GPR107: variants seen among roughly 807,000 people sequenced by gnomAD.
The protein encoded by GPR107 is G protein-coupled receptor 107, also known as protein GPR107.
GPR107 carries 31 observed loss-of-function variants against 75.5 expected under a neutral mutation model. The observed-to-expected ratio is 0.41, with a 90% CI of 0.31 to 0.55. The LOEUF (loss-of-function observed/expected upper bound fraction) is 0.55, where lower values mean the gene tolerates loss of function less well. Ranked by LOEUF, GPR107 falls within the 20% of genes least tolerant of loss-of-function variation. The pLI is 0.26. For synonymous variants in GPR107, 267 were observed against 251.3 expected (o/e 1.06, Z -0.59); for missense variants, 572 against 665.7 (o/e 0.86, Z 1.55).
intron 9 of GPR107, among the ~76,000 whole-genome samples, chr9:130,097,150 T>TC (rs67798085): frequency 5.8e-5 from 3 of 51,992 alleles, no homozygotes; most frequent in Non-Finnish European, 9.3e-5. Context: ...ACTTTTCTTT[T>TC]TTTTCTTTTT....
At chr9:130,074,836 TAA>T in intron 1 of GPR107, among the ~76,000 whole-genome samples, 1 of 151,966 alleles carries the variant, frequency 6.6e-6, no homozygotes, top group East Asian at 1.9e-4. Flanking sequence ...CACAAATTGA[TAA>T]GAGGATTTAT....
At chr9:130,055,193 C>G (rs1160934369) in intron 1 of GPR107, among the ~76,000 whole-genome samples, 2 of 151,908 alleles carry the variant, frequency 1.3e-5, no homozygotes, top group African/African-American at 4.8e-5. Context: ...GTAGGCGGGG[C>G]GCGGTGGCTC....
intron 1 of GPR107, among the ~76,000 whole-genome samples, chr9:130,065,625 G>A (rs1830049432): frequency 6.7e-6 from 1 of 149,938 alleles, no homozygotes; most frequent in South Asian, 2.1e-4. Flanking sequence ...AAATTAGCCC[G>A]GCGTGGTGGC....
At chr9:130,086,374 C>CT (rs11399718) in intron 6 of GPR107, 46 bp from the exon 7 acceptor site, 865,933 of 866,786 alleles carry the variant, frequency 1, 432,551 homozygotes, top group East Asian at 1. Context: ...AATTAGCATG[C>CT]TTCTATGCCG....
intron 1 of GPR107, among the ~76,000 whole-genome samples, chr9:130,073,818 C>G (rs556725184): frequency 5.3e-5 from 8 of 152,182 alleles, no homozygotes; most frequent in Non-Finnish European, 1.2e-4. Flanking sequence ...TGCCATGGCA[C>G]GATCTCGGCT....
chr9:130,107,590 G>A (rs990404899), intron 14 of GPR107, 51 bp downstream of exon 14: 3 of 1,193,278 alleles, frequency 2.5e-6, no homozygotes, highest in South Asian at 2.4e-5. Context: ...CTGAACCCAC[G>A]TGCTGCGGCA....
rs182557047 is a variant in GPR107, at chr9:130,077,961, T to C, written c.386+583T>C. On this transcript the variant is annotated intron_variant, in intron 4 of 17. Transcript: ENST00000347136. Reference sequence around the variant, plus strand: ...CGGACGGATCACGAGGTCAGGAGATTGAGACCATCCTGGCTAAAACAGTGA... The same window carrying C: ...CGGACGGATCACGAGGTCAGGAGATCGAGACCATCCTGGCTAAAACAGTGA... 1.1e-3 allele frequency among the ~76,000 whole-genome samples: 160 copies of C among 152,174 alleles called. 1 individual carries two copies. The highest frequency in any genetic ancestry group is 3.2e-3 in the African/African-American group (133 of 41,538).
chr9:130,123,820 A>G (rs1051115147), intron 14 of GPR107, among the ~76,000 whole-genome samples: 2 of 152,144 alleles, frequency 1.3e-5, no homozygotes, highest in African/African-American at 4.8e-5. Context: ...TTTCAAAATA[A>G]CAAGACTGCC....
intron 14 of GPR107, among the ~76,000 whole-genome samples, chr9:130,113,701 G>T (rs1362767514): frequency 6.6e-6 from 1 of 152,168 alleles, no homozygotes; most frequent in Non-Finnish European, 1.5e-5. Context: ...ATGCATGGGG[G>T]TAAAAGCTCT....
At chr9:130,098,672 T>C (rs1322905314) in intron 9 of GPR107, among the ~76,000 whole-genome samples, 2 of 152,162 alleles carry the variant, frequency 1.3e-5, no homozygotes, top group Non-Finnish European at 2.9e-5. Flanking sequence ...GAGATTACTT[T>C]AGGACTCCAT....
intron 6 of GPR107, among the ~76,000 whole-genome samples, chr9:130,085,158 G>T (rs530274159): frequency 6.6e-6 from 1 of 152,284 alleles, no homozygotes; most frequent in African/African-American, 2.4e-5. Context: ...TGAAAGTGAC[G>T]TGAAGGGTAG....
chr9:130,091,082 G>C, intron 8 of GPR107, 99 bp downstream of exon 8: 1 of 663,712 alleles, frequency 1.5e-6, no homozygotes, highest in Non-Finnish European at 2.7e-6. Flanking sequence ...CTTAAGAAAA[G>C]AATGTGGGCA....
chr9:130,127,531 C>T lies in GPR107; in HGVS notation c.1405C>T (p.Leu469Phe). 6.2e-7 allele frequency: 1 copy of T among 1,603,328 alleles called. No homozygotes were observed. Among genetic ancestry groups the T allele is most frequent in the South Asian group, 1.1e-5 (1 of 90,860 alleles). Residue 469 changes from leucine (L) to phenylalanine (F), a missense_variant, in exon 16 of 18, where the codon CTC (leucine) becomes TTC (phenylalanine). Coordinates refer to ENST00000347136, the MANE Select transcript of GPR107 (RefSeq NM_020960.5). ...FTRIIAFLLK[L>F]AVPFQWKWLY... ...TAGGATCATTGCATTTCTCCTCAAA[C>T]TCGCTGTTCCATTCCAGTGGAAGTG... is the stretch of plus-strand genomic sequence containing the variant.
At chr9:130,125,018 T>C in intron 15 of GPR107, 54 bp downstream of exon 15, 1 of 875,684 alleles carries the variant, frequency 1.1e-6, no homozygotes, top group South Asian at 1.7e-5. Flanking sequence ...ATTCAAGGAG[T>C]AGAGCAAATG....
intron 15 of GPR107, 64 bp downstream of exon 15, chr9:130,125,028 G>A (rs1831638472): frequency 1.4e-6 from 1 of 729,116 alleles, no homozygotes; most frequent in East Asian, 3.3e-5. Context: ...TAGAGCAAAT[G>A]AACTTCCAAA....
rs924099355 is a variant in GPR107 at position 130,111,136 on chromosome 9, T to A, written c.1306+3597T>A. Among the ~76,000 whole-genome samples, 3 of 152,004 alleles carry A rather than the reference T, an allele frequency of 2.0e-5. No homozygotes were observed. The South Asian group carries it at 6.2e-4, about 31-fold the overall frequency. ...CCTCCCAAAATGCTGGCATTACAGGTGTGAGCCACTGCATCTGGCCACTTC... is the reference window on the plus strand; with the variant it reads ...CCTCCCAAAATGCTGGCATTACAGGAGTGAGCCACTGCATCTGGCCACTTC... On this transcript the variant is annotated intron_variant, in intron 14 of 17. Transcript: ENST00000347136.
Position 130,090,420 on chromosome 9 carries a change from A to G in GPR107, c.622-456A>G, listed in dbSNP as rs375980217. Among the ~76,000 whole-genome samples, 11 of 152,348 alleles carry G rather than the reference A, an allele frequency of 7.2e-5. No homozygotes were observed. The East Asian group carries it at 1.7e-3, about 24-fold the overall frequency. ...TTTTTAAAGAGTATTTTATACCTAT[A>G]AAGAGCAAAATAATACGTTAGCTTG... On this transcript the variant is annotated intron_variant, in intron 7 of 17. Transcript: ENST00000347136.
chr9:130,091,379 AC>A (rs1449182469), intron 8 of GPR107, among the ~76,000 whole-genome samples: 1 of 151,942 alleles, frequency 6.6e-6, no homozygotes, highest in Non-Finnish European at 1.5e-5. Context: ...AGTCCCGGCT[AC>A]TCAGGTGGGA....
chr9:130,053,972 G>T lies in GPR107; in HGVS notation c.40G>T (p.Gly14Cys). ...LAPVGSPASR[G>C]PRLAAGLRLL... is the part of the protein sequence containing the mutation. ...GCCCGTCGGCTCCCCCGCCTCCCGCGGTCCTAGGCTGGCCGCGGGCCTCCG... is the reference window on the plus strand; with the variant it reads ...GCCCGTCGGCTCCCCCGCCTCCCGCTGTCCTAGGCTGGCCGCGGGCCTCCG... The change falls in exon 1 of 18, where the codon GGT (glycine) becomes TGT (cysteine). Residue 14 changes from glycine to cysteine, a missense_variant. Coordinates refer to ENST00000347136, the MANE Select transcript of GPR107 (RefSeq NM_020960.5). The T allele has an allele frequency of 2.6e-6, 4 of 1,554,566 alleles. No individual in the cohort carries two copies. The highest frequency in any genetic ancestry group is 3.5e-6 in the Non-Finnish European group (4 of 1,150,366).
Sources: allele counts gnomAD v4.1 joint callset (sites outside exome capture counted in the v4.1 genomes callset), GRCh38; gene constraint gnomAD v4.1.1; transcripts MANE v1.5; gene names NCBI Gene and HGNC (gene_info 2026-07-23, HGNC 2026-07-21).